The following GPC5 variants were observed in gnomAD, a reference collection of about 807,000 sequenced individuals.
GPC5 encodes the protein glypican-5.
A neutral mutation model predicts 53.9 loss-of-function variants in GPC5; 47 were observed. The observed-to-expected ratio is 0.87, with a 90% confidence interval of 0.69 to 1.11. The LOEUF is 1.11. GPC5 is among the 50% of genes most tolerant of loss of function. The pLI, the probability that GPC5 is intolerant of heterozygous loss-of-function variation, is 0.00. For synonymous variants in GPC5, 286 were observed against 263.3 expected (o/e 1.09, Z -0.84); for missense variants, 748 against 713.1 (o/e 1.05, Z -0.56).
intron 6 of GPC5, among the ~76,000 whole-genome samples, chr13:92,074,824 TA>T (rs1238775518): frequency 6.6e-6 from 1 of 152,198 alleles, no homozygotes; most frequent in Non-Finnish European, 1.5e-5. Context: ...CGCACATCGC[TA>T]CCTGACTTCT....
At chr13:92,287,190 G>A (rs1384359047) in intron 7 of GPC5, among the ~76,000 whole-genome samples, 1 of 152,134 alleles carries the variant, frequency 6.6e-6, no homozygotes, top group East Asian at 1.9e-4. Context: ...GTTTTTTACA[G>A]TTTTGCTTCA....
At chr13:92,379,161 T>G (rs2139303888) in intron 7 of GPC5, among the ~76,000 whole-genome samples, 1 of 152,332 alleles carries the variant, frequency 6.6e-6, no homozygotes, top group South Asian at 2.1e-4. Context: ...CAGGCAATAT[T>G]TGCAGAGACA....
intron 5 of GPC5, among the ~76,000 whole-genome samples, chr13:91,886,311 A>G (rs1186033992): frequency 6.6e-6 from 1 of 152,150 alleles, no homozygotes; most frequent in Non-Finnish European, 1.5e-5. Flanking sequence ...ACCCATCCCC[A>G]TGATTCAATT....
chr13:91,910,874 TAAAC>T (rs2139002034), intron 6 of GPC5, among the ~76,000 whole-genome samples: 1 of 152,094 alleles, frequency 6.6e-6, no homozygotes, highest in East Asian at 1.9e-4. Context: ...AAAAAGTAAA[TAAAC>T]AAATAAAACC....
At chr13:92,442,476 G>T (rs1043208158) in intron 7 of GPC5, among the ~76,000 whole-genome samples, 14 of 152,086 alleles carry the variant, frequency 9.2e-5, no homozygotes, top group African/African-American at 3.4e-4. Flanking sequence ...ATATTCAGAA[G>T]ATTACTAGGA....
At chr13:91,738,121 C>A (rs2036853081) in intron 4 of GPC5, among the ~76,000 whole-genome samples, 1 of 151,276 alleles carries the variant, frequency 6.6e-6, no homozygotes, top group African/African-American at 2.5e-5. Flanking sequence ...GTAAACTTCG[C>A]ACTGGTGATA....
chr13:92,248,206 A>T (rs2042667099), intron 7 of GPC5, among the ~76,000 whole-genome samples: 1 of 41,878 alleles, frequency 2.4e-5, no homozygotes, highest in Non-Finnish European at 5.1e-5. Flanking sequence ...CCATAGGAAA[A>T]AAAAAAAAAC....
intron 5 of GPC5, among the ~76,000 whole-genome samples, chr13:91,793,853 G>C (rs939546236): frequency 2.5e-4 from 38 of 152,216 alleles, no homozygotes; most frequent in Admixed American, 9.8e-4. Flanking sequence ...CATGAGACCA[G>C]TATGGGGGAA....
At chr13:91,824,918 T>C (rs745540212) in intron 5 of GPC5, among the ~76,000 whole-genome samples, 1 of 152,134 alleles carries the variant, frequency 6.6e-6, no homozygotes, top group Non-Finnish European at 1.5e-5. Context: ...CTGACTGCAA[T>C]TTTATGTTAT....
At chr13:92,834,061 A>C (rs1475920927) in intron 7 of GPC5, among the ~76,000 whole-genome samples, 1 of 152,132 alleles carries the variant, frequency 6.6e-6, no homozygotes, top group Non-Finnish European at 1.5e-5. Context: ...GGATTAGGGT[A>C]ATGGCAGTAG....
chr13:92,165,632 A>C (rs2042021972), intron 7 of GPC5, among the ~76,000 whole-genome samples: 1 of 152,112 alleles, frequency 6.6e-6, no homozygotes. Flanking sequence ...TGATTCCGTC[A>C]CCTCTCATGA....
chr13:92,811,160 G>A (rs1877286088), intron 7 of GPC5, among the ~76,000 whole-genome samples: 2 of 151,978 alleles, frequency 1.3e-5, no homozygotes, highest in Admixed American at 1.3e-4. Context: ...CATATTTTAG[G>A]CTGTTGTGAA....
intron 5 of GPC5, among the ~76,000 whole-genome samples, chr13:91,796,958 G>A (rs1262087269): frequency 6.6e-6 from 1 of 151,982 alleles, no homozygotes; most frequent in Non-Finnish European, 1.5e-5. Context: ...TGCTTGGTAA[G>A]TTTCAATTTC....
chr13:91,575,058 G>T (rs1283463669), intron 2 of GPC5, among the ~76,000 whole-genome samples: 5 of 152,064 alleles, frequency 3.3e-5, no homozygotes, highest in Admixed American at 1.3e-4. Flanking sequence ...GCAAGAAAAA[G>T]GTCTGAAGAG....
intron 6 of GPC5, among the ~76,000 whole-genome samples, chr13:91,919,650 G>A (rs1395144795): frequency 2.6e-5 from 4 of 152,052 alleles, no homozygotes; most frequent in Non-Finnish European, 5.9e-5. Flanking sequence ...CGAAAGACAG[G>A]CGTGTATTGC....
chr13:91,848,546 G>A (rs1424085975), intron 5 of GPC5, among the ~76,000 whole-genome samples: 1 of 152,108 alleles, frequency 6.6e-6, no homozygotes, highest in Non-Finnish European at 1.5e-5. Flanking sequence ...AGAGTTAGAA[G>A]AACAGAAACT....
At chr13:92,251,136 G>C (rs1399733007) in intron 7 of GPC5, among the ~76,000 whole-genome samples, 1 of 152,058 alleles carries the variant, frequency 6.6e-6, no homozygotes, top group African/African-American at 2.4e-5. Context: ...AGAAAACCTT[G>C]ATATATAGGG....
chr13:92,584,295 G>A (rs1398135183), intron 7 of GPC5, among the ~76,000 whole-genome samples: 3 of 152,120 alleles, frequency 2.0e-5, no homozygotes, highest in African/African-American at 4.8e-5. Context: ...AATAAGGTCC[G>A]GGCTGATGTG....
intron 2 of GPC5, among the ~76,000 whole-genome samples, chr13:91,585,802 C>T (rs139977453): frequency 8.5e-5 from 13 of 152,194 alleles, no homozygotes; most frequent in East Asian, 1.9e-4. Flanking sequence ...CTTCTGTCTA[C>T]GTCTTCTGAG....
Sources: allele counts gnomAD v4.1 joint callset (sites outside exome capture counted in the v4.1 genomes callset), GRCh38; gene constraint gnomAD v4.1.1; transcripts MANE v1.5; gene names NCBI Gene and HGNC (gene_info 2026-07-23, HGNC 2026-07-21).